Variants in SPMAP2 observed in about 807,000 individuals in gnomAD.
The protein encoded by SPMAP2 is Theg homolog.
At chr19:367,348 G>C in the SPMAP2 span, 4,260 of 955,852 alleles carry the variant, frequency 4.5e-3, 167 homozygotes, top group East Asian at 0.085. Context: ...AAGTTGGTTT[G>C]TAATGTATTC....
chr19:371,360 G>A, the SPMAP2 span: 25 of 979,370 alleles, frequency 2.6e-5, no homozygotes, highest in South Asian at 4.0e-5. Context: ...CAGCTCGGCC[G>A]GGGGTGGGGG....
At chr19:367,178 C>T in the SPMAP2 span, 4,690 of 1,607,956 alleles carry the variant, frequency 2.9e-3, 210 homozygotes, top group East Asian at 0.084. Flanking sequence ...CTGGAGGATC[C>T]GCGAGCTGGG....
the SPMAP2 span, among the ~76,000 whole-genome samples, chr19:368,767 A>C: frequency 1.3e-5 from 2 of 152,170 alleles, no homozygotes; most frequent in African/African-American, 4.8e-5. This position sits in a 1 kb window ranked among gnomAD's most constrained non-coding sequence, Gnocchi z 4.1. Context: ...TTTACAATGG[A>C]AGCTCCCACT....
chr19:364,482 G>A, the SPMAP2 span, among the ~76,000 whole-genome samples: 1 of 151,702 alleles, frequency 6.6e-6, no homozygotes, highest in Non-Finnish European at 1.5e-5. Flanking sequence ...GAGTTTTGAG[G>A]CCAGACTGAG....
At chr19:375,566 C>A in the SPMAP2 span, 1 of 1,303,580 alleles carries the variant, frequency 7.7e-7, no homozygotes, top group Non-Finnish European at 1.0e-6. Context: ...CCGGTTACGA[C>A]CCTTTCGCCC....
the SPMAP2 span, chr19:371,390 G>GTT: frequency 1.6e-6 from 1 of 634,804 alleles, no homozygotes. Context: ...GTGTGTGTGT[G>GTT]TGTGTGTGTG....
At chr19:375,963 T>TC in the SPMAP2 span, 6 of 1,433,906 alleles carry the variant, frequency 4.2e-6, no homozygotes, top group Non-Finnish European at 5.5e-6. Context: ...TCGCCTGCTG[T>TC]CCCCCATACA....
chr19:364,105 G>C, the SPMAP2 span, among the ~76,000 whole-genome samples: 1 of 151,176 alleles, frequency 6.6e-6, no homozygotes. Context: ...AGGCCGAGGC[G>C]GGCGGATCAC....
At chr19:366,881 T>C in the SPMAP2 span, among the ~76,000 whole-genome samples, 2,823 of 151,946 alleles carry the variant, frequency 0.019, 46 homozygotes, top group Middle Eastern at 0.044. Context: ...CTTCTACACC[T>C]TTTTTTCCTG....
the SPMAP2 span, chr19:374,188 G>A: frequency 1.9e-6 from 3 of 1,539,186 alleles, no homozygotes; most frequent in African/African-American, 2.7e-5. Flanking sequence ...GCTGGATGTG[G>A]TGGCAGCTGG....
the SPMAP2 span, chr19:366,987 C>G: frequency 1.4e-6 from 2 of 1,473,820 alleles, no homozygotes; most frequent in Non-Finnish European, 1.8e-6. Context: ...CCTCTGCCCG[C>G]TCTAGGCAGA....
the SPMAP2 span, chr19:371,325 G>C: frequency 6.9e-7 from 1 of 1,452,324 alleles, no homozygotes; most frequent in Non-Finnish European, 9.1e-7. Context: ...GAGTCGTCCT[G>C]GGGGAGGTCC....
chr19:362,073 ATAT>A, the SPMAP2 span: 1 of 603,022 alleles, frequency 1.7e-6, no homozygotes, highest in African/African-American at 1.9e-5. Flanking sequence ...GCAAAAATAA[ATAT>A]TATTGTCCTC....
At chr19:373,674 G>T in the SPMAP2 span, 9 of 730,876 alleles carry the variant, frequency 1.2e-5, no homozygotes, top group African/African-American at 3.5e-5. Context: ...AGGACAGTGG[G>T]GGGGCCGGCG....
the SPMAP2 span, among the ~76,000 whole-genome samples, chr19:364,121 C>A: frequency 6.6e-6 from 1 of 150,696 alleles, no homozygotes; most frequent in African/African-American, 2.4e-5. Context: ...ATCACAAGGT[C>A]AGGAGATCGA....
At chr19:367,248 G>A in the SPMAP2 span, 1 of 1,571,514 alleles carries the variant, frequency 6.4e-7, no homozygotes, top group African/African-American at 1.4e-5. Context: ...TAGAGAGAAG[G>A]GTTACGTGAA....
chr19:374,496 G>A, the SPMAP2 span: 1 of 1,591,542 alleles, frequency 6.3e-7, no homozygotes, highest in Non-Finnish European at 8.6e-7. Flanking sequence ...AGAAGCGTGG[G>A]TCTTGCTCAA....
At chr19:370,202 G>A in the SPMAP2 span, among the ~76,000 whole-genome samples, 2 of 152,212 alleles carry the variant, frequency 1.3e-5, no homozygotes, top group African/African-American at 2.4e-5. Context: ...AATGCAAGAC[G>A]GCGCCGTCAC....
chr19:364,371 G>GA, the SPMAP2 span, among the ~76,000 whole-genome samples: 2 of 147,360 alleles, frequency 1.4e-5, no homozygotes, highest in East Asian at 4.0e-4. Flanking sequence ...GAAAAAAAAA[G>GA]AAAAAATATT....
Sources: gnomAD v4.1 joint callset for allele counts (sites outside exome capture counted in the v4.1 genomes callset) on GRCh38, gnomAD v4.1.1 for gene constraint, Gnocchi (gnomAD v3.1) non-coding constraint, MANE v1.5 for transcripts, NCBI Gene and HGNC (gene_info 2026-07-23, HGNC 2026-07-21) for gene names.